Variants in SYN2 observed in about 807,000 individuals in gnomAD.
The protein encoded by SYN2 is synapsin II.
Under a neutral mutation model 50.9 loss-of-function variants are expected in SYN2, and 19 were observed. That is an observed-to-expected ratio of 0.37 (90% CI 0.26 to 0.55). The LOEUF is 0.55. SYN2 is among the 20% of genes least tolerant of loss of function. SYN2 has a pLI of 0.81. For missense variants in SYN2, 587 were observed against 576.4 expected (o/e 1.02, Z -0.19); for synonymous variants, 255 against 224.9 (o/e 1.13, Z -1.20).
At chr3:12,056,162 G>A (rs1327784991) in intron 1 of SYN2, among the ~76,000 whole-genome samples, 1 of 151,328 alleles carries the variant, frequency 6.6e-6, no homozygotes, top group Non-Finnish European at 1.5e-5. Flanking sequence ...AGACAAAGTT[G>A]TGTTTTGTTT....
chr3:12,022,470 C>T (rs757750001), intron 1 of SYN2, among the ~76,000 whole-genome samples: 6 of 152,014 alleles, frequency 3.9e-5, no homozygotes, highest in Non-Finnish European at 5.9e-5. Context: ...TGCAGTGGCG[C>T]GATCTCGGCT....
At chr3:12,078,208 A>C (rs1250040904) in intron 1 of SYN2, among the ~76,000 whole-genome samples, 2 of 152,058 alleles carry the variant, frequency 1.3e-5, no homozygotes, top group Non-Finnish European at 2.9e-5. Flanking sequence ...TAGATTCTGG[A>C]TATTAGGCCT....
In SYN2 at chr3:12,060,318, A is replaced by G. The variant is rs1043981601; in HGVS notation, c.377+55390A>G. 6.6e-5 allele frequency among the ~76,000 whole-genome samples: 10 copies of G among 152,286 alleles called. No homozygotes were observed. The East Asian group carries it at 1.9e-3, about 29-fold the overall frequency. On this transcript the variant is annotated intron_variant, in intron 1 of 12. Transcript: ENST00000621198. ...TGGCAGGAAGAAAGGGAGAGTAACC[A>G]TTGTGAAATACACCCGGAGCCTTCT...
chr3:12,062,757 C>T (rs559354053), intron 1 of SYN2, among the ~76,000 whole-genome samples: 1 of 152,124 alleles, frequency 6.6e-6, no homozygotes, highest in South Asian at 2.1e-4. Context: ...ATTTGAAAAC[C>T]ATATGCCAAG....
intron 1 of SYN2, among the ~76,000 whole-genome samples, chr3:12,092,081 A>T (rs887144237): frequency 1.3e-5 from 2 of 151,796 alleles, no homozygotes; most frequent in African/African-American, 2.4e-5. Flanking sequence ...TCATTTTTTT[A>T]AAAAAGTGTG....
intron 1 of SYN2, among the ~76,000 whole-genome samples, chr3:12,055,018 T>C (rs997275282): frequency 6.6e-6 from 1 of 152,122 alleles, no homozygotes; most frequent in African/African-American, 2.4e-5. Context: ...ATAGGAGATC[T>C]GAATGCCAAA....
At chr3:12,141,053 G>T (rs1380197925) in intron 2 of SYN2, among the ~76,000 whole-genome samples, 1 of 152,122 alleles carries the variant, frequency 6.6e-6, no homozygotes, top group Non-Finnish European at 1.5e-5. Flanking sequence ...TATTGTTGGT[G>T]GCAAGATATT....
chr3:12,056,418 C>CTT (rs5846742), intron 1 of SYN2, among the ~76,000 whole-genome samples: 96,199 of 150,138 alleles, frequency 0.64, 33,133 homozygotes, highest in South Asian at 0.78. Context: ...AAGCAATACT[C>CTT]TTTTTTTTTA....
At chr3:12,005,268 A>G (rs1170876330) in intron 1 of SYN2, among the ~76,000 whole-genome samples, 2 of 152,146 alleles carry the variant, frequency 1.3e-5, no homozygotes, top group Non-Finnish European at 2.9e-5. Context: ...TAGCTTAGAC[A>G]CATAAAATCT....
chr3:12,080,517 G>T (rs1156357060), intron 1 of SYN2, among the ~76,000 whole-genome samples: 2 of 152,048 alleles, frequency 1.3e-5, no homozygotes, highest in African/African-American at 4.8e-5. Context: ...GTTCTCGTTG[G>T]CTTCAAAGAG....
chr3:12,070,161 C>T (rs1345421723), intron 1 of SYN2: 1 of 324,206 alleles, frequency 3.1e-6, no homozygotes, highest in East Asian at 7.8e-5. Context: ...CACACAGTCG[C>T]TGCCGCCAGC....
In SYN2 at chr3:12,085,373, A is replaced by ACGCACG. The variant is rs796468363; in HGVS notation, c.378-55277_378-55276insGCACGC. 1.9e-3 allele frequency among the ~76,000 whole-genome samples: 287 copies of ACGCACG among 150,284 alleles called. 1 individual carries two copies. The highest frequency in any genetic ancestry group is 5.9e-3 in the African/African-American group (241 of 40,564). On this transcript the variant is annotated intron_variant, in intron 1 of 12. Coordinates refer to ENST00000621198, the MANE Select transcript of SYN2 (RefSeq NM_133625.6). Reference sequence around the variant, plus strand: ...GGAATACACACACACACACACACACACACACACGCACGCACGCACGCACTC... The same window carrying ACGCACG: ...GGAATACACACACACACACACACACACGCACGCACACACGCACGCACGCACGCACTC...
intron 1 of SYN2, among the ~76,000 whole-genome samples, chr3:12,123,418 C>T (rs552198686): frequency 6.6e-6 from 1 of 152,238 alleles, no homozygotes; most frequent in South Asian, 2.1e-4. Context: ...TCCTCAAAAG[C>T]TGAGAGGAAA....
chr3:12,025,965 C>CT (rs1215305620), intron 1 of SYN2, among the ~76,000 whole-genome samples: 3 of 152,246 alleles, frequency 2.0e-5, no homozygotes, highest in African/African-American at 7.2e-5. Flanking sequence ...TTTCATGTAG[C>CT]TTTTTTCCCC....
chr3:12,065,389 A>G (rs1695194704), intron 1 of SYN2, among the ~76,000 whole-genome samples: 1 of 152,220 alleles, frequency 6.6e-6, no homozygotes, highest in African/African-American at 2.4e-5. Context: ...TTCTACCAAA[A>G]AAACACATGC....
At chr3:12,055,986 A>T (rs1221023775) in intron 1 of SYN2, among the ~76,000 whole-genome samples, 2 of 152,202 alleles carry the variant, frequency 1.3e-5, no homozygotes, top group Non-Finnish European at 2.9e-5. Flanking sequence ...TGTGGGAAAC[A>T]CAAAGAATGG....
chr3:12,164,446 TCTC>T (rs1697730724), intron 7 of SYN2, among the ~76,000 whole-genome samples: 1 of 152,310 alleles, frequency 6.6e-6, no homozygotes, highest in African/African-American at 2.4e-5. Flanking sequence ...CCTCTTAGCT[TCTC>T]CTCACCACAC....
intron 4 of SYN2, among the ~76,000 whole-genome samples, chr3:12,150,476 A>G (rs2125224237): frequency 6.6e-6 from 1 of 152,306 alleles, no homozygotes. Flanking sequence ...TCTGGGCCTC[A>G]GCTTCTTCAT....
In SYN2 at chr3:12,044,202, CACA is replaced by C. The variant is rs1559397117; in HGVS notation, c.377+39275_377+39277del. Reference sequence around the variant, plus strand: ...TCTCTCACACACACACACACACACACACACACACACACACACACACAGGTGTGA... The same window carrying C: ...TCTCTCACACACACACACACACACACCACACACACACACACACAGGTGTGA... On this transcript the variant is annotated intron_variant, in intron 1 of 12. Coordinates refer to ENST00000621198, the MANE Select transcript of SYN2 (RefSeq NM_133625.6). Among the ~76,000 whole-genome samples, 7 of 150,628 alleles carry C rather than the reference CACA, an allele frequency of 4.6e-5. No homozygotes were observed. The East Asian group carries it at 1.4e-3, about 29-fold the overall frequency.
Sources: allele counts gnomAD v4.1 joint callset (sites outside exome capture counted in the v4.1 genomes callset), GRCh38; gene constraint gnomAD v4.1.1; transcripts MANE v1.5; gene names NCBI Gene and HGNC (gene_info 2026-07-23, HGNC 2026-07-21).